The following BBS2 variants were observed in gnomAD, a reference collection of about 807,000 sequenced individuals.
The protein encoded by BBS2 is Bardet-Biedl syndrome 2.
Under a neutral mutation model 83.0 loss-of-function variants are expected in BBS2, and 62 were observed. That is an observed-to-expected ratio of 0.75 (90% CI 0.61 to 0.92). The LOEUF (loss-of-function observed/expected upper bound fraction) is 0.92. Among genes scored for constraint, BBS2 ranks in the 40% least tolerant of loss-of-function variants. The pLI, the probability that BBS2 is intolerant of heterozygous loss-of-function variation, is 0.00. For missense variants in BBS2, 784 were observed against 901.0 expected (o/e 0.87, Z 1.66); for synonymous variants, 303 against 326.1 (o/e 0.93, Z 0.76).
chr16:56,471,439 C>T (rs751373321), intron 17 of BBS2, among the ~76,000 whole-genome samples: 53 of 151,940 alleles, frequency 3.5e-4, no homozygotes, highest in Non-Finnish European at 5.1e-4. Flanking sequence ...CTCTGAGGAG[C>T]GCCATTTAAG....
chr16:56,491,241 G>A (rs1164233528), intron 15 of BBS2, among the ~76,000 whole-genome samples: 1 of 152,162 alleles, frequency 6.6e-6, no homozygotes, highest in Non-Finnish European at 1.5e-5. Context: ...AGTGTTGGGA[G>A]GTGGGCCTAG....
intron 7 of BBS2, among the ~76,000 whole-genome samples, chr16:56,504,167 GC>G (rs112030226): frequency 6.6e-5 from 10 of 152,248 alleles, no homozygotes; most frequent in African/African-American, 2.4e-4. Context: ...CATCATGGAA[GC>G]CTGAAAATTA....
chr16:56,471,646 C>T (rs1963191565), intron 17 of BBS2, among the ~76,000 whole-genome samples: 1 of 152,310 alleles, frequency 6.6e-6, no homozygotes, highest in African/African-American at 2.4e-5. Flanking sequence ...GTTAGGAGAG[C>T]AGAGACAAGG....
chr16:56,505,311 G>A (rs1964393251), intron 7 of BBS2, among the ~76,000 whole-genome samples: 1 of 152,158 alleles, frequency 6.6e-6, no homozygotes, highest in Non-Finnish European at 1.5e-5. Context: ...CTAGAGAAAA[G>A]TAAAGATAAA....
At position 56,484,832 on chromosome 16, in the gene BBS2, G is replaced by A. The variant is rs1003841433; in HGVS notation, c.2095C>T (p.Arg699Trp). The A allele has an allele frequency of 9.3e-6, 15 of 1,613,852 alleles. No homozygotes were observed. The highest frequency in any genetic ancestry group is 3.3e-5 in the Admixed American group (2 of 59,998). ...ATGTTATTGCTTCGAATTGCATCCCGACAAGCAGTGATCACCTGGTTCTTT... is the reference window on the plus strand; with the variant it reads ...ATGTTATTGCTTCGAATTGCATCCCAACAAGCAGTGATCACCTGGTTCTTT... The part of the protein sequence containing the change: ...KPKNQVITAC[R>W]DAIRSNNINT... Residue 699 changes from arginine (R) to tryptophan (W), a missense_variant, in exon 17 of 17, where the codon CGG (arginine) becomes TGG (tryptophan). Coordinates refer to ENST00000245157, the MANE Select transcript of BBS2 (RefSeq NM_031885.5).
Position 56,514,492 on chromosome 16 carries a change from A to G in BBS2, c.306T>C (p.Ala102=). The change falls in exon 2 of 17, where the codon GCT becomes GCC. Residue 102 remains alanine, a synonymous_variant. Coordinates refer to ENST00000245157, the MANE Select transcript of BBS2 (RefSeq NM_031885.5). ...AATCCGAATTATTGTAGACATCATA[A>G]GCCAAAAGATTAGTCTGTGTCCCCA... ...LLVGTQTNLL[A]YDVYNNSDLF... is the part of the protein sequence containing the mutation. 3 of 1,614,202 alleles carry G rather than the reference A, an allele frequency of 1.9e-6. No individual in the cohort carries two copies. Among genetic ancestry groups the G allele is most frequent in the Non-Finnish European group, 2.5e-6 (3 of 1,180,014 alleles).
chr16:56,480,350 C>T (rs200121193), downstream of BBS2, among the ~76,000 whole-genome samples: 3 of 27,324 alleles, frequency 1.1e-4, no homozygotes, highest in Admixed American at 3.0e-4. Context: ...CACACACACA[C>T]ACAAAAAAAA....
intron 1 of BBS2, 124 bp downstream of exon 1, chr16:56,519,622 G>T: frequency 2.7e-6 from 2 of 752,130 alleles, no homozygotes; most frequent in South Asian, 1.6e-5. Context: ...GGTGCTCGCC[G>T]ACCGGTTGCC....
At chr16:56,498,627 TA>T in intron 12 of BBS2, 59 bp from the exon 13 acceptor site, 1 of 1,611,284 alleles carries the variant, frequency 6.2e-7, no homozygotes. Context: ...TTCTTTTTTT[TA>T]ATGTGCCTCT....
At chr16:56,482,294 AACTC>A (rs1190954945), downstream of BBS2, among the ~76,000 whole-genome samples, 1 of 152,182 alleles carries the variant, frequency 6.6e-6, no homozygotes, top group African/African-American at 2.4e-5. Flanking sequence ...ACAGGTCACT[AACTC>A]TGTGACCTGA....
At chr16:56,482,351 CATTTATTT>C (rs547265546), downstream of BBS2, among the ~76,000 whole-genome samples, 2 of 151,882 alleles carry the variant, frequency 1.3e-5, no homozygotes, top group African/African-American at 4.8e-5. Context: ...CTGTGAGGCA[CATTTATTT>C]ATTTATTTAT....
rs967941621 is a variant in BBS2 at position 56,496,968 on chromosome 16, T to A, written c.1909A>T (p.Met637Leu). The A allele has an allele frequency of 6.8e-6, 11 of 1,610,066 alleles. No homozygotes were observed. The African/African-American group carries it at 1.5e-4, about 22-fold the overall frequency. Reference protein sequence around the residue: ...GAEDARLMRDMKTMKSRYMEL... With the variant: ...GAEDARLMRDLKTMKSRYMEL... ...GTACTAACCATGACAAATACTCACA[T>A]GTCCCTCATCAGACGAGCATCCTCA... is the stretch of plus-strand genomic sequence containing the variant. The change falls in exon 15 of 17, where the codon ATG (methionine) becomes TTG (leucine). Residue 637 changes from methionine to leucine, a missense_variant and splice_region_variant. Coordinates refer to ENST00000245157, the MANE Select transcript of BBS2 (RefSeq NM_031885.5).
chr16:56,488,171 T>TGTC (rs774669477), intron 15 of BBS2, among the ~76,000 whole-genome samples: 1 of 152,208 alleles, frequency 6.6e-6, no homozygotes, highest in Non-Finnish European at 1.5e-5. Flanking sequence ...AGAAGACTTC[T>TGTC]GTCCTCAACT....
At chr16:56,470,568 C>T in exon 18 of BBS2, 1 of 1,614,162 alleles carries the variant, frequency 6.2e-7, no homozygotes, top group Non-Finnish European at 8.5e-7. Flanking sequence ...AGGCACTATT[C>T]TTGCTGCTCT....
rs767791089 is a variant in BBS2, at chr16:56,502,831, A to G, written c.805-23T>C. The G allele has an allele frequency of 3.1e-6, 5 of 1,614,104 alleles. No individual in the cohort carries two copies. The South Asian group carries it at 4.4e-5, about 14-fold the overall frequency. On this transcript the variant is annotated intron_variant, in intron 7 of 16. Transcript: ENST00000245157. ...AACCTACAAATAAAACACAAATTTA[A>G]AAGTTGCTTATGCTACATGTTTAAA...
At chr16:56,508,864 G>T (rs1376029560) in intron 5 of BBS2, among the ~76,000 whole-genome samples, 2 of 151,978 alleles carry the variant, frequency 1.3e-5, no homozygotes, top group Non-Finnish European at 2.9e-5. Flanking sequence ...GCCCAGGCGG[G>T]TCTCAAACTC....
intron 7 of BBS2, among the ~76,000 whole-genome samples, chr16:56,503,162 T>C (rs1405888185): frequency 1.3e-5 from 2 of 152,242 alleles, no homozygotes; most frequent in Admixed American, 1.3e-4. Flanking sequence ...AGAATCTAGC[T>C]CTGCCACGTA....
chr16:56,516,993 TTTATTATTA>T (rs879900191), intron 1 of BBS2, among the ~76,000 whole-genome samples: 3 of 150,894 alleles, frequency 2.0e-5, no homozygotes, highest in Non-Finnish European at 4.4e-5. Flanking sequence ...CTTTATTTTA[TTTATTATTA>T]TTATTATTAT....
At chr16:56,515,671 CA>C (rs1964719092) in intron 1 of BBS2, among the ~76,000 whole-genome samples, 1 of 152,200 alleles carries the variant, frequency 6.6e-6, no homozygotes, top group Non-Finnish European at 1.5e-5. Context: ...AACACCTACC[CA>C]AGGCAGCCTA....
Sources: allele counts gnomAD v4.1 joint callset (sites outside exome capture counted in the v4.1 genomes callset), GRCh38; gene constraint gnomAD v4.1.1; transcripts MANE v1.5; gene names NCBI Gene and HGNC (gene_info 2026-07-23, HGNC 2026-07-21).